The following PTPRD variants were observed in gnomAD, a reference collection of about 807,000 sequenced individuals.
The protein encoded by PTPRD is receptor-type tyrosine-protein phosphatase delta.
A neutral mutation model predicts 214.5 loss-of-function variants in PTPRD; 34 were observed. The observed-to-expected ratio is 0.16, with a 90% confidence interval of 0.12 to 0.21. The LOEUF (loss-of-function observed/expected upper bound fraction) is 0.21. PTPRD is among the 10% of genes least tolerant of loss of function. PTPRD has a pLI of 1.00. For synonymous variants in PTPRD, 1,128 were observed against 845.7 expected (o/e 1.33, Z -5.79); for missense variants, 2,545 against 2,398.7 (o/e 1.06, Z -1.27).
intron 3 of PTPRD, among the ~76,000 whole-genome samples, chr9:10,105,593 A>G (rs1360974926): frequency 2.0e-5 from 3 of 151,792 alleles, no homozygotes; most frequent in Admixed American, 1.3e-4. Flanking sequence ...GATTCTAACA[A>G]TTGGTAATTT....
chr9:10,520,297 C>A (rs988361845), intron 2 of PTPRD, among the ~76,000 whole-genome samples: 2 of 152,072 alleles, frequency 1.3e-5, no homozygotes, highest in Non-Finnish European at 2.9e-5. Flanking sequence ...AAAATCAAAC[C>A]AACCACATTT....
intron 7 of PTPRD, among the ~76,000 whole-genome samples, chr9:9,730,128 A>T (rs1564823702): frequency 6.6e-6 from 1 of 152,230 alleles, no homozygotes; most frequent in East Asian, 1.9e-4. Flanking sequence ...AAAGAAATAC[A>T]CTTTTTAAAC....
At chr9:9,883,212 G>C (rs1184007878) in intron 5 of PTPRD, among the ~76,000 whole-genome samples, 1 of 152,042 alleles carries the variant, frequency 6.6e-6, no homozygotes, top group Admixed American at 6.6e-5. Flanking sequence ...TAATACACAA[G>C]AAAGATAGGC....
chr9:8,323,696 G>C (rs1830722003), intron 44 of PTPRD, among the ~76,000 whole-genome samples: 1 of 152,194 alleles, frequency 6.6e-6, no homozygotes, highest in Non-Finnish European at 1.5e-5. Flanking sequence ...ATGAGGAGTT[G>C]TTCCTTACGG....
rs546225346 is a variant in PTPRD, at chr9:8,509,607, T to C, written c.1544-2173A>G. 2.6e-5 allele frequency among the ~76,000 whole-genome samples: 4 copies of C among 152,344 alleles called. No homozygotes were observed. In the South Asian group the frequency reaches 8.3e-4, roughly 32 times the overall value. The stretch of plus-strand genomic sequence containing the variant: ...TTTCTTCCCTGCCTAATGCTAATAA[T>C]AAATTGACATTGATTGAAAACATCT... On this transcript the variant is annotated intron_variant, in intron 21 of 45. Coordinates refer to ENST00000381196, the MANE Select transcript of PTPRD (RefSeq NM_002839.4).
At chr9:10,267,764 TAAC>T (rs1247601773) in intron 3 of PTPRD, among the ~76,000 whole-genome samples, 19 of 152,162 alleles carry the variant, frequency 1.2e-4, no homozygotes, top group Admixed American at 1.2e-3. Flanking sequence ...TTTTAATTGA[TAAC>T]AACAGGAAGA....
intron 2 of PTPRD, among the ~76,000 whole-genome samples, chr9:10,457,619 A>G (rs550802597): frequency 6.6e-6 from 1 of 152,004 alleles, no homozygotes; most frequent in East Asian, 1.9e-4. Context: ...CTATTACTGG[A>G]TCAAAGAGAC....
intron 3 of PTPRD, among the ~76,000 whole-genome samples, chr9:10,252,357 T>C (rs530893903): frequency 1.3e-5 from 2 of 152,240 alleles, no homozygotes; most frequent in South Asian, 4.1e-4. Context: ...CTGTGAGTAA[T>C]CACAGGCCAC....
chr9:10,002,708 CAAAG>C, intron 4 of PTPRD, among the ~76,000 whole-genome samples: 1 of 144,768 alleles, frequency 6.9e-6, no homozygotes, highest in East Asian at 2.0e-4. Flanking sequence ...CTTACAGAAA[CAAAG>C]AGAGAAATAG....
At chr9:8,754,525 G>A (rs966876186) in intron 11 of PTPRD, among the ~76,000 whole-genome samples, 2 of 152,134 alleles carry the variant, frequency 1.3e-5, no homozygotes, top group African/African-American at 4.8e-5. Context: ...TTCAATCAGT[G>A]GTGATGGGTT....
intron 5 of PTPRD, among the ~76,000 whole-genome samples, chr9:9,918,351 TA>T (rs3050147): frequency 0.086 from 8,741 of 101,726 alleles, 379 homozygotes; most frequent in South Asian, 0.2. Flanking sequence ...ACCAAAGAGG[TA>T]AAAAAAAAAA....
intron 11 of PTPRD, among the ~76,000 whole-genome samples, chr9:8,813,754 G>C (rs1335293271): frequency 6.6e-6 from 1 of 152,184 alleles, no homozygotes; most frequent in Non-Finnish European, 1.5e-5. Flanking sequence ...AAATATACAA[G>C]AGATGCTTTG....
intron 8 of PTPRD, among the ~76,000 whole-genome samples, chr9:9,427,951 CAA>C (rs1380499296): frequency 6.6e-6 from 1 of 152,174 alleles, no homozygotes; most frequent in Non-Finnish European, 1.5e-5. Context: ...CCAGCCACTG[CAA>C]AGACATGCCG....
chr9:10,201,652 T>C (rs1159135333), intron 3 of PTPRD, among the ~76,000 whole-genome samples: 2 of 152,024 alleles, frequency 1.3e-5, no homozygotes, highest in African/African-American at 4.8e-5. Flanking sequence ...ACAATTATTT[T>C]GCTTCCATAT....
intron 36 of PTPRD, among the ~76,000 whole-genome samples, chr9:8,390,204 G>A (rs555081121): frequency 2.0e-5 from 3 of 152,198 alleles, no homozygotes; most frequent in Admixed American, 6.5e-5. Flanking sequence ...TTCAGACACT[G>A]TAACTTCTTC....
intron 7 of PTPRD, among the ~76,000 whole-genome samples, chr9:9,709,787 G>C (rs1005188700): frequency 6.6e-6 from 1 of 151,954 alleles, no homozygotes; most frequent in African/African-American, 2.4e-5. Flanking sequence ...TGATATAGTA[G>C]ACGTCATTAA....
intron 14 of PTPRD, among the ~76,000 whole-genome samples, chr9:8,532,734 G>C (rs563977233): frequency 1.3e-5 from 2 of 152,036 alleles, no homozygotes; most frequent in South Asian, 4.1e-4. Context: ...GTCATTTTGA[G>C]AGGCCATTAA....
At chr9:9,614,247 G>A (rs1032303536) in intron 7 of PTPRD, among the ~76,000 whole-genome samples, 27 of 152,208 alleles carry the variant, frequency 1.8e-4, no homozygotes, top group African/African-American at 6.3e-4. Flanking sequence ...CTGATTACCA[G>A]TGTGATACAT....
chr9:8,363,094 G>C (rs1481528010), intron 39 of PTPRD, among the ~76,000 whole-genome samples: 1 of 152,076 alleles, frequency 6.6e-6, no homozygotes, highest in Non-Finnish European at 1.5e-5. Context: ...ATTATATCTG[G>C]AGACCATTCG....
Sources: allele counts gnomAD v4.1 joint callset (sites outside exome capture counted in the v4.1 genomes callset), GRCh38; gene constraint gnomAD v4.1.1; transcripts MANE v1.5; gene names NCBI Gene and HGNC (gene_info 2026-07-23, HGNC 2026-07-21).